Variants in CNTN4 observed in about 807,000 individuals in gnomAD.
The protein encoded by CNTN4 is contactin 4.
Under a neutral mutation model 122.5 loss-of-function variants are expected in CNTN4, and 77 were observed. The observed-to-expected ratio is 0.63, with a 90% CI of 0.52 to 0.76. The LOEUF is 0.76. CNTN4 is among the 30% of genes least tolerant of loss of function. The probability of loss-of-function intolerance (pLI) is 0.00; values close to 1 mark genes in which losing one functional copy is unlikely to be tolerated. For missense variants in CNTN4, 1,256 were observed against 1,259.1 expected (o/e 1.00, Z 0.04); for synonymous variants, 512 against 447.0 (o/e 1.15, Z -1.83).
chr3:2,577,598 T>C (rs1393666014), intron 4 of CNTN4, among the ~76,000 whole-genome samples: 1 of 152,206 alleles, frequency 6.6e-6, no homozygotes, highest in East Asian at 1.9e-4. Flanking sequence ...ATTCTATCTG[T>C]ACACATGGTT....
intron 4 of CNTN4, among the ~76,000 whole-genome samples, chr3:2,701,465 GT>G (rs2086355125): frequency 6.6e-6 from 1 of 152,184 alleles, no homozygotes; most frequent in Non-Finnish European, 1.5e-5. Context: ...CCAGCGTGGG[GT>G]ATCATAGATG....
chr3:2,141,723 C>T (rs529370589), intron 2 of CNTN4, among the ~76,000 whole-genome samples: 93 of 152,186 alleles, frequency 6.1e-4, no homozygotes, highest in African/African-American at 2.2e-3. Context: ...CTGATAACTA[C>T]ATAATCACAC....
At chr3:2,367,458 G>A (rs1483235565) in intron 3 of CNTN4, among the ~76,000 whole-genome samples, 1 of 152,208 alleles carries the variant, frequency 6.6e-6, no homozygotes, top group Non-Finnish European at 1.5e-5. Context: ...GTGTACAGTG[G>A]ATAAGTGAAG....
At chr3:2,570,349 A>C (rs2079368278) in intron 3 of CNTN4, among the ~76,000 whole-genome samples, 1 of 151,206 alleles carries the variant, frequency 6.6e-6, no homozygotes, top group Admixed American at 6.6e-5. Flanking sequence ...GATTTTTAAA[A>C]ATTTTCCGTA....
At chr3:2,696,370 G>T (rs2086035354) in intron 4 of CNTN4, among the ~76,000 whole-genome samples, 1 of 152,216 alleles carries the variant, frequency 6.6e-6, no homozygotes, top group African/African-American at 2.4e-5. Context: ...TTTGGGAAGT[G>T]TTTAAATCAT....
At chr3:2,138,083 T>A in intron 2 of CNTN4, among the ~76,000 whole-genome samples, 1 of 150,058 alleles carries the variant, frequency 6.7e-6, no homozygotes, top group African/African-American at 2.5e-5. Flanking sequence ...TTTTTTTTTT[T>A]CGAGACGGAG....
chr3:2,584,520 A>G (rs2080090685), intron 4 of CNTN4, among the ~76,000 whole-genome samples: 1 of 151,966 alleles, frequency 6.6e-6, no homozygotes. Context: ...CCTGACCAAC[A>G]TGGCGAAACC....
At chr3:2,487,611 T>C (rs949616265) in intron 3 of CNTN4, among the ~76,000 whole-genome samples, 1 of 152,236 alleles carries the variant, frequency 6.6e-6, no homozygotes, top group Non-Finnish European at 1.5e-5. Context: ...AAATAAAATG[T>C]GTGCATGACT....
rs948912260 is a variant in CNTN4 at position 2,872,213 on chromosome 3, G to A, written c.652+5264G>A. Among the ~76,000 whole-genome samples, 4 of 152,122 alleles carry A rather than the reference G, an allele frequency of 2.6e-5. No individual in the cohort carries two copies. In the East Asian group the frequency reaches 7.7e-4, roughly 29 times the overall value. The stretch of plus-strand genomic sequence containing the variant: ...AACTACTAAAGAAATAGTAGCCTTC[G>A]ATGATAATCATATTGGCTCTTCTGT... On this transcript the variant is annotated intron_variant, in intron 8 of 24. Transcript: ENST00000418658.
intron 3 of CNTN4, among the ~76,000 whole-genome samples, chr3:2,495,203 T>C (rs947067340): frequency 1.3e-5 from 2 of 152,236 alleles, no homozygotes; most frequent in African/African-American, 4.8e-5. Flanking sequence ...AAGTTCTTAT[T>C]TCAAATACCT....
intron 7 of CNTN4, among the ~76,000 whole-genome samples, chr3:2,850,411 T>C (rs1422158124): frequency 1.3e-5 from 2 of 152,224 alleles, no homozygotes; most frequent in Non-Finnish European, 1.5e-5. Flanking sequence ...GAAATGACAG[T>C]AATGATCTCA....
At chr3:2,446,669 A>T (rs541797730) in intron 3 of CNTN4, among the ~76,000 whole-genome samples, 94 of 152,296 alleles carry the variant, frequency 6.2e-4, no homozygotes, top group Non-Finnish European at 1.1e-3. Context: ...CTATAAATAA[A>T]CACACTCGGT....
chr3:2,647,028 C>A (rs766716704), intron 4 of CNTN4, among the ~76,000 whole-genome samples: 1 of 152,030 alleles, frequency 6.6e-6, no homozygotes, highest in East Asian at 1.9e-4. Context: ...TGGTAGAGAC[C>A]CTGAAGCTCT....
intron 7 of CNTN4, among the ~76,000 whole-genome samples, chr3:2,830,782 G>A (rs1222298840): frequency 6.6e-6 from 1 of 152,216 alleles, no homozygotes; most frequent in East Asian, 1.9e-4. Context: ...GCTGAAAAAG[G>A]AATGAGTGGT....
At chr3:2,747,395 C>T (rs1007640112) in intron 6 of CNTN4, among the ~76,000 whole-genome samples, 2 of 147,276 alleles carry the variant, frequency 1.4e-5, no homozygotes, top group African/African-American at 2.5e-5. Context: ...GGCGACAGAG[C>T]GAGACTCCGT....
Position 2,787,156 on chromosome 3 carries a change from C to T in CNTN4, c.359-32330C>T, listed in dbSNP as rs555855059. 7.8e-4 allele frequency among the ~76,000 whole-genome samples: 118 copies of T among 152,246 alleles called. 2 individuals are homozygous for T. The highest frequency in any genetic ancestry group is 2.8e-3 in the African/African-American group (116 of 41,544). ...CTTTGGGAGGCCGAGGCGGGTGGAT[C>T]ACCTGAGGTCAGGAGTTCAAGACCA... On this transcript the variant is annotated intron_variant, in intron 6 of 24. Coordinates refer to ENST00000418658, the MANE Select transcript of CNTN4 (RefSeq NM_175607.3).
chr3:2,174,187 T>C (rs1038898477), intron 2 of CNTN4, among the ~76,000 whole-genome samples: 4 of 152,224 alleles, frequency 2.6e-5, no homozygotes, highest in East Asian at 3.8e-4. Flanking sequence ...TATCACTTGC[T>C]GTCTTTTCCG....
At chr3:2,336,226 G>A (rs1720185) in intron 2 of CNTN4, among the ~76,000 whole-genome samples, 1 of 151,640 alleles carries the variant, frequency 6.6e-6, no homozygotes, top group African/African-American at 2.4e-5. Flanking sequence ...GTTTATTTGG[G>A]GGGGGGAGGT....
intron 6 of CNTN4, among the ~76,000 whole-genome samples, chr3:2,788,520 T>A (rs1288978845): frequency 6.6e-6 from 1 of 152,220 alleles, no homozygotes; most frequent in Non-Finnish European, 1.5e-5. Context: ...AATACATACG[T>A]AAGGATCTAT....
Sources: allele counts gnomAD v4.1 joint callset (sites outside exome capture counted in the v4.1 genomes callset), GRCh38; gene constraint gnomAD v4.1.1; transcripts MANE v1.5; gene names NCBI Gene and HGNC (gene_info 2026-07-23, HGNC 2026-07-21).